The following ARHGEF18 variants were observed in gnomAD, a reference collection of about 807,000 sequenced individuals.
The protein encoded by ARHGEF18 is Rho/Rac guanine nucleotide exchange factor 18, also known as rho guanine nucleotide exchange factor 18.
Under a neutral mutation model 155.7 loss-of-function variants are expected in ARHGEF18, and 93 were observed. The ratio of observed to expected loss-of-function variants is 0.60; its 90% CI spans 0.50 to 0.71. The LOEUF (loss-of-function observed/expected upper bound fraction) is 0.71, where lower values mean the gene tolerates loss of function less well. Ranked by LOEUF, ARHGEF18 falls within the 30% of genes least tolerant of loss-of-function variation. The pLI is 0.00. For synonymous variants in ARHGEF18, 742 were observed against 753.1 expected (o/e 0.99, Z 0.24); for missense variants, 1,593 against 1,816.1 (o/e 0.88, Z 2.23).
At chr19:7,397,070 T>C (rs1971751049) in intron 10 of ARHGEF18, among the ~76,000 whole-genome samples, 1 of 148,172 alleles carries the variant, frequency 6.7e-6, no homozygotes, top group African/African-American at 2.5e-5. Flanking sequence ...TAGTTTCCTA[T>C]TTCTGTAGGT....
chr19:7,356,150 GCT>G (rs1018707287), intron 1 of ARHGEF18, among the ~76,000 whole-genome samples: 15 of 151,742 alleles, frequency 9.9e-5, no homozygotes, highest in Non-Finnish European at 1.9e-4. Flanking sequence ...ATCGGCTGGT[GCT>G]CTCTCTCTCA....
At chr19:7,458,946 T>C (rs1418067387) in intron 19 of ARHGEF18, among the ~76,000 whole-genome samples, 1 of 152,246 alleles carries the variant, frequency 6.6e-6, no homozygotes, top group Non-Finnish European at 1.5e-5. Context: ...CTCTGCATTC[T>C]AGGGCCAGAT....
rs1976720358 is a variant in ARHGEF18 at position 7,467,501 on chromosome 19, C to T, written c.3297C>T (p.Arg1099=). 3 of 1,433,182 alleles carry T rather than the reference C, an allele frequency of 2.1e-6. No homozygotes were observed. The highest frequency in any genetic ancestry group is 1.4e-5 in the South Asian group (1 of 69,216). The allele number at this position is 1,433,182 out of a possible 1,614,324, so 88.8% of individuals were successfully genotyped here. A position where few individuals can be genotyped will look rare whatever the true frequency, so the allele number is the denominator to read the frequency against. Residue 1099 remains arginine, a synonymous_variant, in exon 26 of 29, where the codon CGC becomes CGT. Coordinates refer to ENST00000668164, the MANE Select transcript of ARHGEF18 (RefSeq NM_001367823.1). ...QEREGEARQL[R]ERLEQERAEL... The stretch of plus-strand genomic sequence containing the variant: ...GCGAGGGCGAGGCGCGGCAGCTACG[C>T]GAGCGGCTGGAGCAGGAGCGGGCCG...
chr19:7,434,028 AAAAAAAAAAG>A, intron 10 of ARHGEF18, among the ~76,000 whole-genome samples: 1 of 124,694 alleles, frequency 8.0e-6, no homozygotes, highest in Admixed American at 8.3e-5. Context: ...ATTAAAAAAA[AAAAAAAAAAG>A]AAAAAAAAAG....
intron 2 of ARHGEF18, among the ~76,000 whole-genome samples, chr19:7,372,463 A>G (rs6603120): frequency 0.22 from 31,627 of 142,248 alleles, 3,975 homozygotes; most frequent in Non-Finnish European, 0.28. Context: ...AGGAGCAGAA[A>G]CTGTACCAAA....
intron 10 of ARHGEF18, among the ~76,000 whole-genome samples, chr19:7,427,915 G>C (rs1412184972): frequency 4.6e-5 from 7 of 151,826 alleles, no homozygotes; most frequent in African/African-American, 7.3e-5. Flanking sequence ...CTGTACTCCA[G>C]CCTGGATGAC....
At chr19:7,375,403 G>GAAGGAAGA (rs1181042801) in intron 3 of ARHGEF18, among the ~76,000 whole-genome samples, 3 of 150,566 alleles carry the variant, frequency 2.0e-5, no homozygotes, top group African/African-American at 4.9e-5. Context: ...AGGAAGAAAG[G>GAAGGAAGA]AAGGAAGAAA....
intron 2 of ARHGEF18, among the ~76,000 whole-genome samples, chr19:7,366,713 G>T (rs1969902500): frequency 6.6e-6 from 1 of 152,210 alleles, no homozygotes; most frequent in South Asian, 2.1e-4. Context: ...GTTGTCAGAG[G>T]CTTGCTCAGA....
rs548226765 is a variant in ARHGEF18 at position 7,456,142 on chromosome 19, G to T, written c.2105-185G>T. Among the ~76,000 whole-genome samples, 4 of 152,356 alleles carry T rather than the reference G, an allele frequency of 2.6e-5. No homozygotes were observed. The East Asian group carries it at 7.7e-4, about 29-fold the overall frequency. On this transcript the variant is annotated intron_variant, in intron 17 of 28. Transcript: ENST00000668164. The stretch of plus-strand genomic sequence containing the variant: ...TAGAGGAGGCTCCGGCTGCTCGTTG[G>T]TGCTGAAGGTTGAGACCTGGAAAGG...
At chr19:7,465,596 A>G (rs111582426) in intron 23 of ARHGEF18, among the ~76,000 whole-genome samples, 3,575 of 152,070 alleles carry the variant, frequency 0.024, 77 homozygotes, top group South Asian at 0.073. Flanking sequence ...TTTGGTAGAT[A>G]CAGGGTCTCA....
At chr19:7,364,175 T>C (rs1412978312) in intron 2 of ARHGEF18, among the ~76,000 whole-genome samples, 5 of 145,546 alleles carry the variant, frequency 3.4e-5, no homozygotes, top group Middle Eastern at 3.8e-3. Flanking sequence ...GATGGGTGAA[T>C]GGATAGATGA....
chr19:7,397,747 A>T (rs189422266), intron 10 of ARHGEF18, among the ~76,000 whole-genome samples: 13,073 of 149,140 alleles, frequency 0.088, 930 homozygotes, highest in African/African-American at 0.21. Context: ...AAAAAAAAAA[A>T]TTTTTTTTGT....
At chr19:7,350,768 GT>G (rs1969137431) in intron 1 of ARHGEF18, among the ~76,000 whole-genome samples, 4 of 2,952 alleles carry the variant, frequency 1.4e-3, no homozygotes, top group Non-Finnish European at 2.9e-3. Flanking sequence ...TTTGGGGTGG[GT>G]GTGTGTGTGT....
chr19:7,432,530 C>T (rs1316437878), intron 10 of ARHGEF18, among the ~76,000 whole-genome samples: 1 of 152,172 alleles, frequency 6.6e-6, no homozygotes. Context: ...GGCTGGAATA[C>T]AGTGGTGCCA....
rs1976673570 is a variant in ARHGEF18 at position 7,467,099 on chromosome 19, A to G, written c.2990A>G (p.Gln997Arg). The G allele has an allele frequency of 1.9e-6, 3 of 1,604,878 alleles. No homozygotes were observed. The highest frequency in any genetic ancestry group is 2.6e-6 in the Non-Finnish European group (3 of 1,173,534). Residue 997 changes from glutamine to arginine, a missense_variant, in exon 25 of 29, where the codon CAG becomes CGG. By Grantham distance (43) the Gln-to-Arg change is conservative (BLOSUM62 1). Coordinates refer to ENST00000668164, the MANE Select transcript of ARHGEF18 (RefSeq NM_001367823.1). ...GTCCAGCGGATCCAGACACTGTCCC[A>G]GCTGCTCCTGAACCTTCAGGTACAG... ...ELVQRIQTLS[Q>R]LLLNLQAVIA... is the part of the protein sequence containing the mutation.
rs1970606787 is a variant in ARHGEF18 at position 7,379,172 on chromosome 19, TGGGAATC to T, written c.644+11_644+17del. On this transcript the variant is annotated splice_region_variant and intron_variant, in intron 7 of 28. Coordinates refer to ENST00000668164, the MANE Select transcript of ARHGEF18 (RefSeq NM_001367823.1). ...GAACTTCGACAGTACCATGGGTAAG[TGGGAATC>T]GGGACAGGCTTGAGGGGAGCAAAGT... is the stretch of plus-strand genomic sequence containing the variant. 1 of 1,232,406 alleles carries T rather than the reference TGGGAATC, an allele frequency of 8.1e-7. No individual in the cohort carries two copies. Among genetic ancestry groups the T allele is most frequent in the South Asian group, 4.1e-5 (1 of 24,326 alleles). The allele number at this position is 1,232,406 out of a possible 1,614,324, so 76.3% of individuals were successfully genotyped here.
intron 10 of ARHGEF18, among the ~76,000 whole-genome samples, chr19:7,432,972 C>T (rs558000224): frequency 4.0e-4 from 61 of 152,164 alleles, no homozygotes; most frequent in African/African-American, 1.1e-3. Flanking sequence ...CCAGCCTGGG[C>T]GACATAATGA....
At chr19:7,436,197 C>CTTTTT (rs567879436) in intron 10 of ARHGEF18, among the ~76,000 whole-genome samples, 1 of 78,578 alleles carries the variant, frequency 1.3e-5, no homozygotes, top group Non-Finnish European at 2.5e-5. Flanking sequence ...AGCATTTCTT[C>CTTTTT]TTTTTTTTTT....
chr19:7,457,254 C>CT (rs1423452771), intron 18 of ARHGEF18, among the ~76,000 whole-genome samples: 1 of 151,428 alleles, frequency 6.6e-6, no homozygotes, highest in African/African-American at 2.4e-5. Context: ...GGCCATCCCT[C>CT]TGTGTGTGCC....
Sources: gnomAD v4.1 joint callset for allele counts (sites outside exome capture counted in the v4.1 genomes callset) on GRCh38, gnomAD v4.1.1 for gene constraint, MANE v1.5 for transcripts, NCBI Gene and HGNC (gene_info 2026-07-23, HGNC 2026-07-21) for gene names.